The following LRRC4C variants were observed in gnomAD, a reference collection of about 807,000 sequenced individuals.
LRRC4C encodes leucine rich repeat containing 4C.
In LRRC4C, 5 loss-of-function variants were observed where a neutral mutation model predicts 33.6. The observed-to-expected ratio is 0.15, with a 90% CI of 0.08 to 0.31. The LOEUF is 0.31. Among genes scored for constraint, LRRC4C ranks in the 10% least tolerant of loss-of-function variants. The pLI is 1.00. For synonymous variants in LRRC4C, 329 were observed against 302.0 expected (o/e 1.09, Z -0.93); for missense variants, 560 against 796.7 (o/e 0.70, Z 3.58).
At chr11:40,476,082 A>C (rs934604681) in intron 3 of LRRC4C, among the ~76,000 whole-genome samples, 1 of 152,176 alleles carries the variant, frequency 6.6e-6, no homozygotes, top group Non-Finnish European at 1.5e-5. Context: ...TGCAGGACCA[A>C]GCTGCCCATG....
chr11:40,852,448 T>C (rs1953556380), intron 2 of LRRC4C, among the ~76,000 whole-genome samples: 1 of 152,096 alleles, frequency 6.6e-6, no homozygotes, highest in Non-Finnish European at 1.5e-5. Context: ...AAATTAAAAG[T>C]TAAAGATATA....
At chr11:41,378,371 T>G (rs1215939103) in intron 1 of LRRC4C, among the ~76,000 whole-genome samples, 3 of 152,314 alleles carry the variant, frequency 2.0e-5, no homozygotes, top group Non-Finnish European at 4.4e-5. Flanking sequence ...AAGACTAAAA[T>G]GCCAATGACA....
At chr11:40,445,169 A>G (rs1463872530) in intron 3 of LRRC4C, 1 of 152,218 alleles carries the variant, frequency 6.6e-6, no homozygotes, top group East Asian at 1.9e-4. Flanking sequence ...TACTAATCAT[A>G]CCACAAAAAT....
chr11:40,538,862 T>C (rs1956587063), intron 3 of LRRC4C, among the ~76,000 whole-genome samples: 1 of 152,212 alleles, frequency 6.6e-6, no homozygotes, highest in African/African-American at 2.4e-5. Flanking sequence ...TATCTCGTTG[T>C]GGTTTTGATT....
At chr11:40,591,448 T>A (rs1959054930) in intron 3 of LRRC4C, among the ~76,000 whole-genome samples, 1 of 152,288 alleles carries the variant, frequency 6.6e-6, no homozygotes, top group African/African-American at 2.4e-5. Context: ...TCTGCATCAC[T>A]CACGCTGGGA....
chr11:40,265,867 G>T (rs922125251), intron 4 of LRRC4C, among the ~76,000 whole-genome samples: 107 of 152,276 alleles, frequency 7.0e-4, no homozygotes, highest in Middle Eastern at 3.4e-3. Flanking sequence ...AACATAATTT[G>T]TTTGTTTGCA....
chr11:41,205,046 T>C (rs879737863), intron 1 of LRRC4C, among the ~76,000 whole-genome samples: 2 of 152,174 alleles, frequency 1.3e-5, no homozygotes, highest in Non-Finnish European at 2.9e-5. Flanking sequence ...GTAAAAATGT[T>C]TGGTAATTGT....
At chr11:40,457,413 A>G (rs2138148803) in intron 3 of LRRC4C, among the ~76,000 whole-genome samples, 1 of 152,284 alleles carries the variant, frequency 6.6e-6, no homozygotes, top group African/African-American at 2.4e-5. Context: ...TCAACTAAGT[A>G]TTGCTTACTA....
chr11:40,949,090 G>A (rs1343969875), intron 1 of LRRC4C, among the ~76,000 whole-genome samples: 1 of 151,706 alleles, frequency 6.6e-6, no homozygotes, highest in Non-Finnish European at 1.5e-5. Flanking sequence ...TCTCATTGTG[G>A]TTTTGATTTG....
At chr11:41,155,349 T>C (rs10837589) in intron 1 of LRRC4C, among the ~76,000 whole-genome samples, 7,379 of 152,242 alleles carry the variant, frequency 0.048, 200 homozygotes, top group East Asian at 0.07. Context: ...GAACATATTT[T>C]ACACAGATTG....
intron 5 of LRRC4C, among the ~76,000 whole-genome samples, chr11:40,236,297 C>A (rs747372714): frequency 2.6e-5 from 4 of 152,182 alleles, no homozygotes; most frequent in Non-Finnish European, 4.4e-5. Flanking sequence ...CAGCTGCTGG[C>A]TTAAGGAGCT....
chr11:40,932,896 G>T (rs989030044), intron 2 of LRRC4C, among the ~76,000 whole-genome samples: 8 of 152,102 alleles, frequency 5.3e-5, no homozygotes, highest in Non-Finnish European at 1.2e-4. Context: ...TATCCAAGAG[G>T]TATGAGCAAA....
intron 3 of LRRC4C, among the ~76,000 whole-genome samples, chr11:40,550,318 T>C (rs2135440739): frequency 6.6e-6 from 1 of 152,288 alleles, no homozygotes; most frequent in Admixed American, 6.5e-5. Context: ...TTACCAAGGT[T>C]TTACCTCAAA....
chr11:40,196,345 A>G (rs564086005), intron 5 of LRRC4C, among the ~76,000 whole-genome samples: 1 of 152,364 alleles, frequency 6.6e-6, no homozygotes, highest in Admixed American at 6.5e-5. Flanking sequence ...ATCCCAAGCC[A>G]GGTGAACAGC....
intron 1 of LRRC4C, among the ~76,000 whole-genome samples, chr11:40,941,215 T>G (rs895207624): frequency 3.3e-5 from 5 of 152,154 alleles, no homozygotes; most frequent in Non-Finnish European, 5.9e-5. Context: ...TTAGTCATGA[T>G]AATTTTATTA....
At chr11:41,348,940 C>T (rs957792458) in intron 1 of LRRC4C, among the ~76,000 whole-genome samples, 2 of 152,202 alleles carry the variant, frequency 1.3e-5, no homozygotes, top group Admixed American at 6.5e-5. Flanking sequence ...GGCTTTGACA[C>T]AGGAACAGCT....
chr11:41,356,819 A>AT (rs1261980767), intron 1 of LRRC4C, among the ~76,000 whole-genome samples: 1 of 152,018 alleles, frequency 6.6e-6, no homozygotes, highest in Admixed American at 6.6e-5. Context: ...AAGCATGCCA[A>AT]TTTTTTTACA....
In LRRC4C at chr11:40,910,989, A is replaced by G. The variant is rs190004577; in HGVS notation, c.-407+22646T>C. Among the ~76,000 whole-genome samples the G allele has an allele frequency of 6.8e-3, 1,033 of 152,318 alleles. 12 individuals are homozygous for G. The highest frequency in any genetic ancestry group is 0.044 in the South Asian group (210 of 4,826). On this transcript the variant is annotated intron_variant, in intron 2 of 6. Coordinates refer to ENST00000528697, the MANE Select transcript of LRRC4C (RefSeq NM_001258419.2). ...GAGATCAAACTGCAAGGCAGCAGCA[A>G]GGCTGGGGGAGGGGCGCCTGCCATT...
At chr11:40,735,691 G>A (rs1279628011) in intron 2 of LRRC4C, among the ~76,000 whole-genome samples, 1 of 137,116 alleles carries the variant, frequency 7.3e-6, no homozygotes, top group African/African-American at 2.7e-5. Context: ...GGATGGCTGG[G>A]TCAAACGGTA....
Sources: gnomAD v4.1 joint callset for allele counts (sites outside exome capture counted in the v4.1 genomes callset) on GRCh38, gnomAD v4.1.1 for gene constraint, MANE v1.5 for transcripts, NCBI Gene and HGNC (gene_info 2026-07-23, HGNC 2026-07-21) for gene names.